The following NBPF12 variants were observed in gnomAD, a reference collection of about 807,000 sequenced individuals.
NBPF12 encodes NBPF family member NBPF12.
A neutral mutation model predicts 146.4 loss-of-function variants in NBPF12; 115 were observed. The ratio of observed to expected loss-of-function variants is 0.79; its 90% CI spans 0.68 to 0.92. NBPF12 has a LOEUF of 0.92. Ranked by LOEUF, NBPF12 falls within the 40% of genes least tolerant of loss-of-function variation. The pLI is 0.00. For missense variants in NBPF12, 1,205 were observed against 1,326.8 expected, an observed-to-expected ratio of 0.91 and a Z score of 1.43; for synonymous variants, 385 against 508.9, an observed-to-expected ratio of 0.76 and a Z score of 3.28.
intron 1 of NBPF12, 122 bp from the exon 5 acceptor site, chr1:146,951,226 G>C (rs1269560810): frequency 3.1e-6 from 2 of 639,358 alleles, no homozygotes; most frequent in East Asian, 5.5e-5. Flanking sequence ...GCTTCTCTCA[G>C]GCCACACAGG....
At chr1:146,964,651 C>G (rs1185234940) in intron 7 of NBPF12, among the ~76,000 whole-genome samples, 2 of 151,926 alleles carry the variant, frequency 1.3e-5, no homozygotes, top group East Asian at 3.9e-4. Flanking sequence ...AGTCTTCATC[C>G]TCCTCAGCTC....
Position 146,961,264 on chromosome 1 carries a change from G to T in NBPF12, c.176-897G>T, listed in dbSNP as rs1276066875. ...GCTCTTGTTCCTAAAGAGGAAGAAAGATCACACCCGAGAATGTGTGGAAGC... is the reference window on the plus strand; with the variant it reads ...GCTCTTGTTCCTAAAGAGGAAGAAATATCACACCCGAGAATGTGTGGAAGC... On this transcript the variant is annotated intron_variant, in intron 4 of 33. Transcript: ENST00000617844. Among the ~76,000 whole-genome samples the T allele has an allele frequency of 1.3e-5, 2 of 151,798 alleles. 1 individual carries two copies. The highest frequency in any genetic ancestry group is 4.2e-4 in the South Asian group (2 of 4,788).
At chr1:146,984,299 A>G (rs1570888835) in intron 21 of NBPF12, 114 bp downstream of exon 24, 4 of 785,514 alleles carry the variant, frequency 5.1e-6, no homozygotes, top group Non-Finnish European at 9.1e-6. Context: ...ACAAGTCTGA[A>G]TTATGCCTAC....
exon 34 of NBPF12, chr1:146,994,637 T>G (rs1250559043): frequency 1.8e-5 from 29 of 1,584,734 alleles, no homozygotes; most frequent in Non-Finnish European, 2.4e-5. Context: ...CACCTGAAGA[T>G]TTGAATGAAA....
chr1:146,960,328 A>G lies in NBPF12; in HGVS notation c.175+10A>G, dbSNP rs1231226504. The G allele has an allele frequency of 3.0e-5, 43 of 1,429,236 alleles. No individual in the cohort carries two copies. In the African/African-American group the frequency reaches 3.5e-4, roughly 12 times the overall value. The allele number at this position is 1,429,236 out of a possible 1,614,324, so 88.5% of individuals were successfully genotyped here. A position where few individuals can be genotyped will look rare whatever the true frequency, so the allele number is the denominator to read the frequency against. On this transcript the variant is annotated intron_variant, in intron 4 of 33. Transcript: ENST00000617844. The stretch of plus-strand genomic sequence containing the variant: ...CGACAGAAGAAATACAGTAAGATCT[A>G]TAGGCTCACCATCATGAAAGTGATG...
chr1:146,947,875 G>A (rs1390041505), upstream of NBPF12, among the ~76,000 whole-genome samples: 36 of 151,706 alleles, frequency 2.4e-4, no homozygotes, highest in African/African-American at 8.5e-4. Context: ...CTTCTGTGCT[G>A]GTGACTGGTA....
At chr1:146,942,419 A>G (rs1281734130) in intron 1 of NBPF12, among the ~76,000 whole-genome samples, 2 of 151,728 alleles carry the variant, frequency 1.3e-5, no homozygotes, top group East Asian at 1.9e-4. Context: ...CTCATTTTCA[A>G]TATAAGCTCC....
Position 146,962,057 on chromosome 1 carries a change from G to A in NBPF12, c.176-104G>A. On this transcript the variant is annotated intron_variant, in intron 4 of 33. Coordinates refer to ENST00000617844, the Ensembl canonical transcript of NBPF12. ...TCCCTGTCTAGACCCTGGTACTGGG[G>A]AGAGTTTTGTCCTTGGGATGGACCT... 8.4e-6 allele frequency: 8 copies of A among 950,230 alleles called. No individual in the cohort carries two copies. In the South Asian group the frequency reaches 1.1e-4, roughly 13 times the overall value. The allele number at this position is 950,230 out of a possible 1,614,324, so 58.9% of individuals were successfully genotyped here.
At chr1:146,966,704 T>A in intron 9 of NBPF12, 31 bp downstream of exon 12, 2 of 1,165,970 alleles carry the variant, frequency 1.7e-6, no homozygotes, top group Admixed American at 1.7e-5. Context: ...ATCACGAAAG[T>A]GATGAACAAC....
At chr1:146,984,704 T>A (rs1441401263) in intron 21 of NBPF12, 109 bp from the exon 25 acceptor site, 5 of 777,842 alleles carry the variant, frequency 6.4e-6, no homozygotes, top group Admixed American at 3.9e-5. Context: ...TTAATGGATC[T>A]GTCCTTTTTC....
At chr1:146,950,202 C>T (rs1482475341) in intron 1 of NBPF12, among the ~76,000 whole-genome samples, 1 of 151,634 alleles carries the variant, frequency 6.6e-6, no homozygotes, top group Non-Finnish European at 1.5e-5. Flanking sequence ...ATTAGTTCAA[C>T]ATGAAAAATG....
intron 9 of NBPF12, among the ~76,000 whole-genome samples, chr1:146,967,806 G>C (rs1256638554): frequency 6.6e-6 from 1 of 150,864 alleles, no homozygotes; most frequent in African/African-American, 2.5e-5. Flanking sequence ...CAATCTCATA[G>C]AACGTTTATT....
At chr1:146,995,803 T>C (rs1328840669) in exon 34 of NBPF12, 7 of 150,134 alleles carry the variant, frequency 4.7e-5, no homozygotes, top group Non-Finnish European at 1.0e-4. Context: ...CTGTCCCTTT[T>C]AGAGACACCT....
chr1:146,994,393 T>A, exon 34 of NBPF12: 11 of 1,612,374 alleles, frequency 6.8e-6, no homozygotes, highest in Admixed American at 5.0e-5. Flanking sequence ...ACTGGATAGA[T>A]GTTATTCGAC....
chr1:146,939,556 C>T (rs1439722682), intron 1 of NBPF12, among the ~76,000 whole-genome samples: 37 of 152,064 alleles, frequency 2.4e-4, no homozygotes, highest in African/African-American at 8.7e-4. Context: ...GTAGGTTGGA[C>T]TGTGGTGTTG....
At chr1:146,994,429 G>A (rs782224454) in exon 34 of NBPF12, 4 of 1,612,172 alleles carry the variant, frequency 2.5e-6, no homozygotes, top group African/African-American at 2.7e-5. Context: ...TGAACTACCT[G>A]ACTCATTCCA....
chr1:146,964,938 G>A, exon 8 of NBPF12: 1 of 1,608,298 alleles, frequency 6.2e-7, no homozygotes, highest in South Asian at 1.1e-5. Flanking sequence ...AGGACTCACT[G>A]GAGGAATGTG....
intron 16 of NBPF12, among the ~76,000 whole-genome samples, chr1:146,976,529 T>C (rs1398817672): frequency 8.8e-6 from 1 of 113,216 alleles, no homozygotes; most frequent in Non-Finnish European, 1.7e-5. Flanking sequence ...TTCTAATGCA[T>C]AGAGGACTGT....
At chr1:146,957,970 C>T (rs1278581163) in intron 2 of NBPF12, among the ~76,000 whole-genome samples, 2 of 103,640 alleles carry the variant, frequency 1.9e-5, no homozygotes, top group African/African-American at 6.9e-5. Context: ...TACGTGTATA[C>T]ATGTATATAT....
Sources: gnomAD v4.1 joint callset for allele counts (sites outside exome capture counted in the v4.1 genomes callset) on GRCh38, gnomAD v4.1.1 for gene constraint, MANE v1.5 for transcripts, NCBI Gene and HGNC (gene_info 2026-07-23, HGNC 2026-07-21) for gene names.